The following PAX7 variants were observed in gnomAD, a reference collection of about 807,000 sequenced individuals.
PAX7 encodes paired box 7.
In PAX7, 18 loss-of-function variants were observed where a neutral mutation model predicts 50.7. The ratio of observed to expected loss-of-function variants is 0.36; its 90% CI spans 0.25 to 0.53. The LOEUF is 0.53. PAX7 is among the 20% of genes least tolerant of loss of function. PAX7 has a pLI of 0.93. For missense variants in PAX7, 644 were observed against 702.9 expected, an observed-to-expected ratio of 0.92 and a Z score of 0.95; for synonymous variants, 310 against 290.4, an observed-to-expected ratio of 1.07 and a Z score of -0.69.
intron 4 of PAX7, among the ~76,000 whole-genome samples, chr1:18,668,759 T>A (rs17354413): frequency 0.016 from 2,370 of 152,336 alleles, 42 homozygotes; most frequent in Non-Finnish European, 0.019. Context: ...TTGCAATGCC[T>A]ACCTGGTACC....
chr1:18,669,203 G>A (rs1331329451), intron 4 of PAX7, among the ~76,000 whole-genome samples: 5 of 152,228 alleles, frequency 3.3e-5, no homozygotes, highest in African/African-American at 1.2e-4. Flanking sequence ...GAGAGGCAGA[G>A]TGAGCAGCCC....
At chr1:18,727,252 C>T (rs1313826316) in intron 7 of PAX7, among the ~76,000 whole-genome samples, 2 of 144,934 alleles carry the variant, frequency 1.4e-5, no homozygotes, top group East Asian at 2.1e-4. Context: ...AGCATGCATA[C>T]AACACACACA....
At position 18,636,444 on chromosome 1, in the gene PAX7, G is replaced by C. The variant is rs2088158557; in HGVS notation, c.586+73G>C. The C allele has an allele frequency of 2.0e-6, 3 of 1,524,580 alleles. No individual in the cohort carries two copies. The highest frequency in any genetic ancestry group is 2.7e-6 in the Non-Finnish European group (3 of 1,125,812). 94.4% of individuals were successfully genotyped at this position (1,524,580 alleles called of 1,614,324 possible). A position where few individuals can be genotyped will look rare whatever the true frequency, so the allele number is the denominator to read the frequency against. On this transcript the variant is annotated intron_variant, in intron 4 of 8. Transcript: ENST00000420770. The surrounding 1 kb of genome is among the most constrained non-coding windows in gnomAD (Gnocchi z 5.1). ...GCTCCGGTGTGCGGGCCAGTGGTTC[G>C]CTCCCGCCGCCGGAGCAGGCGACCA...
At chr1:18,677,156 T>C (rs2088835487) in intron 4 of PAX7, among the ~76,000 whole-genome samples, 1 of 152,188 alleles carries the variant, frequency 6.6e-6, no homozygotes, top group South Asian at 2.1e-4. Flanking sequence ...CTGGAGGCAG[T>C]AGCAGGGGAA....
intron 8 of PAX7, 117 bp from the exon 9 acceptor site, chr1:18,744,697 G>GATGGATGGATGGATGTATAA: frequency 2.0e-6 from 1 of 487,884 alleles, no homozygotes; most frequent in African/African-American, 2.7e-5. Flanking sequence ...TAAATGGATG[G>GATGGATGGATGGATGTATAA]ATGGATGGAT....
chr1:18,730,210 T>C (rs1476587189), intron 7 of PAX7, among the ~76,000 whole-genome samples: 2 of 152,192 alleles, frequency 1.3e-5, no homozygotes, highest in African/African-American at 4.8e-5. Context: ...ATACCTATTT[T>C]ATAGATGAGA....
intron 4 of PAX7, among the ~76,000 whole-genome samples, chr1:18,672,732 A>G (rs2088770673): frequency 6.6e-6 from 1 of 151,502 alleles, no homozygotes; most frequent in Admixed American, 6.6e-5. Context: ...CAGCCTCCCG[A>G]GTAGCTGGGA....
chr1:18,701,356 G>A (rs1347768518), intron 6 of PAX7, among the ~76,000 whole-genome samples: 1 of 152,080 alleles, frequency 6.6e-6, no homozygotes, highest in Admixed American at 6.5e-5. Context: ...GTGCATGAGT[G>A]TGTGCGTATG....
At chr1:18,707,428 T>C (rs2089298643) in intron 7 of PAX7, among the ~76,000 whole-genome samples, 1 of 144,492 alleles carries the variant, frequency 6.9e-6, no homozygotes, top group African/African-American at 2.5e-5. Context: ...TTTTTTTTTT[T>C]TTTTTTTTTG....
chr1:18,717,235 C>CAGT (rs1239353436), intron 7 of PAX7, among the ~76,000 whole-genome samples: 5 of 152,322 alleles, frequency 3.3e-5, no homozygotes, highest in African/African-American at 1.2e-4. Flanking sequence ...GCGCGCCTGG[C>CAGT]CGCCCCCCGG....
At chr1:18,663,532 G>A (rs558199033) in intron 4 of PAX7, among the ~76,000 whole-genome samples, 77 of 152,186 alleles carry the variant, frequency 5.1e-4, no homozygotes, top group Non-Finnish European at 1.0e-3. Flanking sequence ...ACAGCCATGT[G>A]CCACCATGCC....
intron 4 of PAX7, among the ~76,000 whole-genome samples, chr1:18,644,102 G>A (rs113674172): frequency 0.02 from 2,975 of 152,338 alleles, 91 homozygotes; most frequent in African/African-American, 0.065. Context: ...TCCAGGCTGC[G>A]AACGCTGCGG....
At chr1:18,644,930 C>T (rs1287183996) in intron 4 of PAX7, among the ~76,000 whole-genome samples, 1 of 152,206 alleles carries the variant, frequency 6.6e-6, no homozygotes, top group African/African-American at 2.4e-5. Context: ...CTACTAGGTG[C>T]CAGGCGTTGT....
At position 18,716,847 on chromosome 1, in the gene PAX7, C is replaced by T. The variant is rs1315125512; in HGVS notation, c.1155+13551C>T. Among the ~76,000 whole-genome samples the T allele has an allele frequency of 4.0e-5, 4 of 100,402 alleles. No individual in the cohort carries two copies. The East Asian group carries it at 7.1e-4, about 18-fold the overall frequency. The allele number at this position is 100,402 out of a possible 152,430, so 65.9% of individuals were successfully genotyped here. Reference sequence around the variant, plus strand: ...TCCATCTTCAGCCCCTGCGCGCCCCCCTTGCCCTTGCCCTCTCCCCCACCC... The same window carrying T: ...TCCATCTTCAGCCCCTGCGCGCCCCTCTTGCCCTTGCCCTCTCCCCCACCC... On this transcript the variant is annotated intron_variant, in intron 7 of 8. Coordinates refer to ENST00000420770, the MANE Select transcript of PAX7 (RefSeq NM_001135254.2).
At position 18,634,583 on chromosome 1, in the gene PAX7, C is replaced by T. The variant is rs767833841; in HGVS notation, c.321+45C>T. 32 of 1,550,840 alleles carry T rather than the reference C, an allele frequency of 2.1e-5. No individual in the cohort carries two copies. The highest frequency in any genetic ancestry group is 3.4e-4 in the Middle Eastern group (2 of 5,922). ...AGGCTGGCAGCTGGCTTCCTATAGT[C>T]GGGGGCTCCTGGTTGTGGCCCCTCT... On this transcript the variant is annotated intron_variant, in intron 2 of 8. Coordinates refer to ENST00000420770, the MANE Select transcript of PAX7 (RefSeq NM_001135254.2). This position sits in a 1 kb window ranked among gnomAD's most constrained non-coding sequence, Gnocchi z 4.0.
At chr1:18,728,697 T>TAAA (rs552854863) in intron 7 of PAX7, among the ~76,000 whole-genome samples, 44 of 131,708 alleles carry the variant, frequency 3.3e-4, no homozygotes, top group African/African-American at 7.6e-4. Flanking sequence ...CCCATTCTAC[T>TAAA]AAAAAAAAAA....
intron 7 of PAX7, among the ~76,000 whole-genome samples, chr1:18,730,621 G>A (rs1402572107): frequency 9.9e-5 from 15 of 151,684 alleles, no homozygotes; most frequent in Non-Finnish European, 7.4e-5. Context: ...TATCACAGAG[G>A]GTGCAGATCT....
In PAX7 at chr1:18,703,234, T is replaced by G; in HGVS notation, c.1093T>G (p.Phe365Val). The change falls in exon 7 of 9, where the codon TTC becomes GTC. Residue 365 changes from phenylalanine (F) to valine (V), a missense_variant. Phe to Val is a conservative substitution (Grantham distance 50, BLOSUM62 -1). Transcript: ENST00000420770. ...CAGCTTCTCCAGCTACTCTGACAGC[T>G]TCATGAATCCGGCGGCGCCCTCCAA... is the stretch of plus-strand genomic sequence containing the variant. ...RHSFSSYSDS[F>V]MNPAAPSNHM... The G allele has an allele frequency of 6.2e-7, 1 of 1,614,202 alleles. No homozygotes were observed. The highest frequency in any genetic ancestry group is 2.2e-5 in the East Asian group (1 of 44,882).
At position 18,748,667 on chromosome 1, in the gene PAX7, G is replaced by C. The variant is rs1025497142; in HGVS notation, c.*3738G>C. 4 of 232,088 alleles carry C rather than the reference G, an allele frequency of 1.7e-5. No homozygotes were observed. Among genetic ancestry groups the C allele is most frequent in the Non-Finnish European group, 3.4e-5 (4 of 117,368 alleles). The allele number at this position is 232,088 out of a possible 1,614,324, so 14.4% of individuals were successfully genotyped here. On this transcript the variant is annotated 3_prime_UTR_variant, in exon 9 of 9. Coordinates refer to ENST00000420770, the MANE Select transcript of PAX7 (RefSeq NM_001135254.2). Reference sequence around the variant, plus strand: ...CCCATGCGGAAGTGAGTGGGTGTACGTGAGGGTGTGAGTGGGGTGTGTGCG... The same window carrying C: ...CCCATGCGGAAGTGAGTGGGTGTACCTGAGGGTGTGAGTGGGGTGTGTGCG...
Sources: allele counts gnomAD v4.1 joint callset (sites outside exome capture counted in the v4.1 genomes callset), GRCh38; gene constraint gnomAD v4.1.1; non-coding constraint Gnocchi (gnomAD v3.1); transcripts MANE v1.5; gene names NCBI Gene and HGNC (gene_info 2026-07-23, HGNC 2026-07-21).